ZNF532: variants seen among roughly 807,000 people sequenced by gnomAD.
ZNF532 encodes zinc finger protein 532.
Under a neutral mutation model 89.3 loss-of-function variants are expected in ZNF532, and 22 were observed. The observed-to-expected ratio is 0.25, with a 90% CI of 0.18 to 0.35. The LOEUF (loss-of-function observed/expected upper bound fraction) is 0.35, where lower values mean the gene tolerates loss of function less well. Among genes scored for constraint, ZNF532 ranks in the 10% least tolerant of loss-of-function variants. The pLI is 1.00. For synonymous variants in ZNF532, 606 were observed against 649.6 expected (o/e 0.93, Z 1.02); for missense variants, 1,132 against 1,643.4 (o/e 0.69, Z 5.38).
intron 5 of ZNF532, among the ~76,000 whole-genome samples, chr18:58,944,155 C>T (rs1456464816): frequency 6.6e-6 from 1 of 152,070 alleles, no homozygotes; most frequent in Non-Finnish European, 1.5e-5. Flanking sequence ...TGGTGCTTTG[C>T]CCCTAGTTGG....
At chr18:58,949,266 T>C (rs2063934707) in intron 6 of ZNF532, among the ~76,000 whole-genome samples, 1 of 151,628 alleles carries the variant, frequency 6.6e-6, no homozygotes, top group Non-Finnish European at 1.5e-5. Context: ...ATGTTAAGCA[T>C]TTTTTTTTCC....
At chr18:58,940,378 A>G (rs2062883754) in intron 5 of ZNF532, 1 of 152,332 alleles carries the variant, frequency 6.6e-6, no homozygotes, top group Admixed American at 6.5e-5. Flanking sequence ...GTCCCTGATT[A>G]GTAAATTTTT....
chr18:58,903,873 G>A (rs918593699), intron 2 of ZNF532, among the ~76,000 whole-genome samples: 1 of 152,188 alleles, frequency 6.6e-6, no homozygotes. Flanking sequence ...TCAGAAGTCT[G>A]AAGTTTAAAC....
At chr18:58,867,843 G>A (rs994778061) in intron 2 of ZNF532, among the ~76,000 whole-genome samples, 16 of 152,078 alleles carry the variant, frequency 1.1e-4, no homozygotes, top group Non-Finnish European at 2.4e-4. Flanking sequence ...AACTCTCAGC[G>A]CAACCTGGTT....
chr18:58,903,786 A>T (rs992657052), intron 2 of ZNF532, among the ~76,000 whole-genome samples: 18 of 152,358 alleles, frequency 1.2e-4, no homozygotes, highest in Non-Finnish European at 1.0e-4. Flanking sequence ...GAAAAACAAA[A>T]ACCAGATTTG....
chr18:58,880,790 A>T (rs867970519), intron 2 of ZNF532, among the ~76,000 whole-genome samples: 4 of 94,904 alleles, frequency 4.2e-5, no homozygotes, highest in South Asian at 8.0e-4. Context: ...GTGTGTGTGT[A>T]TGTTTGGGGC....
intron 2 of ZNF532, among the ~76,000 whole-genome samples, chr18:58,871,357 A>G (rs1040070719): frequency 2.0e-5 from 3 of 152,154 alleles, no homozygotes. Context: ...GCAGCCAAGT[A>G]GCTGGCACTA....
rs902366050 is a variant in ZNF532 at position 58,919,658 on chromosome 18, T to C, written c.1371T>C (p.Ala457=). 5.0e-6 allele frequency: 8 copies of C among 1,613,842 alleles called. No homozygotes were observed. Among genetic ancestry groups the C allele is most frequent in the Non-Finnish European group, 6.8e-6 (8 of 1,180,028 alleles). The part of the protein sequence containing the change: ...PVATAFLPVS[A]VKTAGSQVIN... ...CTACTGCTTTCCTCCCAGTGTCTGC[T>C]GTGAAGACGGCAGGATCCCAAGTCA... Residue 457 remains alanine (A), a synonymous_variant, in exon 3 of 10, where the codon GCT becomes GCC. Transcript: ENST00000591808. This position sits in a 1 kb window ranked among gnomAD's most constrained non-coding sequence, Gnocchi z 6.1.
chr18:58,901,057 T>C (rs559453455), intron 2 of ZNF532, among the ~76,000 whole-genome samples: 1 of 152,330 alleles, frequency 6.6e-6, no homozygotes, highest in East Asian at 1.9e-4. Context: ...ATATTAAAAT[T>C]CAAAAACCAT....
At chr18:58,870,202 G>A (rs1760953233) in intron 2 of ZNF532, among the ~76,000 whole-genome samples, 1 of 151,494 alleles carries the variant, frequency 6.6e-6, no homozygotes, top group African/African-American at 2.4e-5. Flanking sequence ...GGATTGCCTT[G>A]TCATTTAACA....
intron 5 of ZNF532, among the ~76,000 whole-genome samples, chr18:58,941,776 CTTT>C (rs1568378915): frequency 6.6e-6 from 1 of 151,844 alleles, no homozygotes; most frequent in Non-Finnish European, 1.5e-5. Flanking sequence ...CTTTTCTTTT[CTTT>C]TTTCTTCTTT....
intron 2 of ZNF532, among the ~76,000 whole-genome samples, chr18:58,887,802 G>A (rs919131863): frequency 5.3e-5 from 8 of 152,256 alleles, no homozygotes; most frequent in African/African-American, 1.9e-4. Context: ...ACACCGAGTC[G>A]GGGCGAGCTG....
chr18:58,981,249 G>T, intron 8 of ZNF532: 1 of 561,048 alleles, frequency 1.8e-6, no homozygotes, highest in East Asian at 3.2e-5. Flanking sequence ...AACTTCTTTT[G>T]AAATGCAATA....
chr18:58,934,391 A>G (rs564108016), intron 3 of ZNF532, 42 bp from the exon 4 acceptor site: 1 of 1,578,210 alleles, frequency 6.3e-7, no homozygotes, highest in East Asian at 2.2e-5. Flanking sequence ...ATTAGAAAGT[A>G]CTTAGTAGGA....
At chr18:58,880,320 G>A (rs552787719) in intron 2 of ZNF532, among the ~76,000 whole-genome samples, 5 of 152,186 alleles carry the variant, frequency 3.3e-5, no homozygotes, top group East Asian at 1.9e-4. Context: ...GATCTAAGTC[G>A]TTAGGCCTCA....
chr18:58,979,071 C>T lies in ZNF532; in HGVS notation c.3167C>T (p.Pro1056Leu). Reference sequence around the variant, plus strand: ...TTCCTCCAGCAAATGAAGAAACACCCCTGCCGCCAGTGTGACAAGTCTTTC... The same window carrying T: ...TTCCTCCAGCAAATGAAGAAACACCTCTGCCGCCAGTGTGACAAGTCTTTC... ...KEHGKQMKKH[P>L]CRQCDKSFSS... The change falls in exon 8 of 10, where the codon CCC (proline) becomes CTC (leucine). Residue 1056 changes from proline (P) to leucine (L), a missense_variant. Around this residue, in one of 9 missense-constraint regions of ZNF532, gnomAD observed 415 missense variants for 604.8 expected, o/e 0.69. Transcript: ENST00000591808. 1 of 1,611,526 alleles carries T rather than the reference C, an allele frequency of 6.2e-7. No individual in the cohort carries two copies. Among genetic ancestry groups the T allele is most frequent in the Non-Finnish European group, 8.5e-7 (1 of 1,177,956 alleles).
chr18:58,955,989 G>A (rs938041020), intron 7 of ZNF532, among the ~76,000 whole-genome samples: 4 of 152,168 alleles, frequency 2.6e-5, no homozygotes, highest in South Asian at 2.1e-4. Context: ...GTCATCATCC[G>A]GTAGTCCAGT....
intron 2 of ZNF532, among the ~76,000 whole-genome samples, chr18:58,878,851 C>T (rs1301559919): frequency 3.9e-5 from 6 of 152,216 alleles, no homozygotes; most frequent in East Asian, 1.9e-4. Context: ...AAGCTTACTC[C>T]GCATTCTTTT....
chr18:58,951,871 G>A (rs376882087), intron 6 of ZNF532, among the ~76,000 whole-genome samples: 4 of 151,940 alleles, frequency 2.6e-5, no homozygotes, highest in South Asian at 2.1e-4. Flanking sequence ...GGTTGGTCTC[G>A]ATCTCCTGAC....
Sources: allele counts gnomAD v4.1 joint callset (sites outside exome capture counted in the v4.1 genomes callset), GRCh38; gene constraint gnomAD v4.1.1; regional missense constraint gnomAD v4.1.1; non-coding constraint Gnocchi (gnomAD v3.1); transcripts MANE v1.5; gene names NCBI Gene and HGNC (gene_info 2026-07-23, HGNC 2026-07-21).